Variants in IL1RAPL1 observed in about 807,000 individuals in gnomAD.
IL1RAPL1 encodes interleukin-1 receptor accessory protein-like 1.
Under a neutral mutation model 48.4 loss-of-function variants are expected in IL1RAPL1, and 3 were observed. That is an observed-to-expected ratio of 0.06 (90% CI 0.03 to 0.16). IL1RAPL1 has a LOEUF of 0.16. IL1RAPL1 is among the 10% of genes least tolerant of loss of function. IL1RAPL1 has a pLI of 1.00. For missense variants in IL1RAPL1, 349 were observed against 530.6 expected (o/e 0.66, Z 3.36); for synonymous variants, 185 against 187.7 (o/e 0.99, Z 0.12).
intron 5 of IL1RAPL1, among the ~76,000 whole-genome samples, chrX:29,572,308 T>C (rs1488522730): frequency 8.9e-6 from 1 of 112,017 alleles, no homozygotes; most frequent in Non-Finnish European, 1.9e-5. Flanking sequence ...TGAAGTATTA[T>C]TTATTGAAAT....
In IL1RAPL1 at chrX:29,710,756, G is replaced by T. The variant is rs746476495; in HGVS notation, c.778+42252G>T. ...TTAGATTACTAAATTTATTTTATTGGTCTATTTGTTCCTGTATGTATACCT... is the reference window on the plus strand; with the variant it reads ...TTAGATTACTAAATTTATTTTATTGTTCTATTTGTTCCTGTATGTATACCT... On this transcript the variant is annotated intron_variant, in intron 6 of 10. Coordinates refer to ENST00000378993, the MANE Select transcript of IL1RAPL1 (RefSeq NM_014271.4). 7.5e-5 allele frequency among the ~76,000 whole-genome samples: 8 copies of T among 106,249 alleles called. No individual in the cohort carries two copies. In the East Asian group the frequency reaches 2.3e-3, roughly 31 times the overall value. 92.3% of individuals were successfully genotyped at this position (106,249 alleles called of 115,157 possible).
chrX:29,929,257 G>A (rs1424208150), intron 8 of IL1RAPL1, among the ~76,000 whole-genome samples: 1 of 111,066 alleles, frequency 9.0e-6, no homozygotes, highest in African/African-American at 3.3e-5. Context: ...ATTCTGAACT[G>A]TGATAAAAAA....
chrX:29,248,522 A>T (rs1054672420), intron 2 of IL1RAPL1, among the ~76,000 whole-genome samples: 1 of 112,694 alleles, frequency 8.9e-6, no homozygotes, highest in Non-Finnish European at 1.9e-5. Context: ...TCAATGCAAA[A>T]ATGCACATAT....
intron 1 of IL1RAPL1, among the ~76,000 whole-genome samples, chrX:28,608,279 A>G (rs1446768451): frequency 9.0e-6 from 1 of 111,346 alleles, no homozygotes; most frequent in Non-Finnish European, 1.9e-5. Context: ...TCTTTTATAT[A>G]TATATTTGAG....
rs187923898 is a variant in IL1RAPL1 at position 29,462,848 on chromosome X, C to T, written c.703+63540C>T. Among the ~76,000 whole-genome samples the T allele has an allele frequency of 4.5e-5, 5 of 111,836 alleles. No homozygotes were observed. The Admixed American group carries it at 4.8e-4, about 11-fold the overall frequency. On this transcript the variant is annotated intron_variant, in intron 5 of 10. Coordinates refer to ENST00000378993, the MANE Select transcript of IL1RAPL1 (RefSeq NM_014271.4). ...TATGTGTCTGTCGGTATTTGGGGGA[C>T]AATTGATCTAACCGTCCTGGGGTAA...
At chrX:29,114,452 C>T (rs1202365901) in intron 2 of IL1RAPL1, among the ~76,000 whole-genome samples, 4 of 111,845 alleles carry the variant, frequency 3.6e-5, no homozygotes, top group Admixed American at 9.5e-5. Flanking sequence ...ACACCTCTTC[C>T]CTTTATTGAT....
At chrX:28,711,116 G>A (rs1005349337) in intron 1 of IL1RAPL1, among the ~76,000 whole-genome samples, 29 of 112,146 alleles carry the variant, frequency 2.6e-4, no homozygotes, top group African/African-American at 8.8e-4. Flanking sequence ...TTAGGAGGCT[G>A]TTGCGCCAAT....
intron 3 of IL1RAPL1, among the ~76,000 whole-genome samples, chrX:29,378,786 G>A (rs771939040): frequency 9.8e-5 from 11 of 112,241 alleles, no homozygotes; most frequent in African/African-American, 2.9e-4. Context: ...GGGGGGAGAA[G>A]AGATGACCTC....
At chrX:28,987,529 C>A (rs1351130998) in intron 2 of IL1RAPL1, among the ~76,000 whole-genome samples, 5 of 111,768 alleles carry the variant, frequency 4.5e-5, no homozygotes, top group African/African-American at 1.6e-4. Context: ...CACATACACA[C>A]ACACACTTGC....
chrX:28,880,597 A>G (rs1922477910), intron 2 of IL1RAPL1, among the ~76,000 whole-genome samples: 1 of 112,369 alleles, frequency 8.9e-6, no homozygotes, highest in Non-Finnish European at 1.9e-5. Context: ...ATTAGTCTCA[A>G]TCATTGTTTG....
chrX:29,310,850 T>A (rs1452610932), intron 3 of IL1RAPL1, among the ~76,000 whole-genome samples: 1 of 112,397 alleles, frequency 8.9e-6, no homozygotes, highest in African/African-American at 3.2e-5. Context: ...CTTGATTTAT[T>A]TAAATTCTTC....
At chrX:29,388,215 G>A (rs1933808884) in intron 3 of IL1RAPL1, among the ~76,000 whole-genome samples, 1 of 106,028 alleles carries the variant, frequency 9.4e-6, no homozygotes, top group African/African-American at 3.4e-5. Context: ...GCCTGGTACT[G>A]TACTAGGCAC....
intron 2 of IL1RAPL1, among the ~76,000 whole-genome samples, chrX:29,279,951 G>A (rs1471382302): frequency 9.0e-6 from 1 of 111,283 alleles, no homozygotes; most frequent in Non-Finnish European, 1.9e-5. Context: ...CAAATCTTCT[G>A]AGACTCGAAT....
intron 2 of IL1RAPL1, among the ~76,000 whole-genome samples, chrX:28,797,302 G>T (rs1391552977): frequency 8.9e-6 from 1 of 111,886 alleles, no homozygotes; most frequent in African/African-American, 3.2e-5. Flanking sequence ...GCAAATTTCT[G>T]CAGCCAGCTT....
At chrX:29,641,292 TG>T (rs1925164467) in intron 5 of IL1RAPL1, among the ~76,000 whole-genome samples, 1 of 113,223 alleles carries the variant, frequency 8.8e-6, no homozygotes, top group African/African-American at 3.2e-5. Flanking sequence ...CATACTTGTT[TG>T]CTTATCCTTC....
At chrX:28,641,556 T>A (rs1934541896) in intron 1 of IL1RAPL1, among the ~76,000 whole-genome samples, 1 of 111,879 alleles carries the variant, frequency 8.9e-6, no homozygotes, top group Admixed American at 9.5e-5. Context: ...TATAGTAGAA[T>A]GATTTATAAT....
chrX:29,490,346 A>G (rs1223921807), intron 5 of IL1RAPL1, among the ~76,000 whole-genome samples: 1 of 110,942 alleles, frequency 9.0e-6, no homozygotes, highest in Non-Finnish European at 1.9e-5. Flanking sequence ...AGCCCAGGCA[A>G]CATGGCAAAA....
chrX:29,465,559 T>G (rs1185333880), intron 5 of IL1RAPL1, among the ~76,000 whole-genome samples: 1 of 112,019 alleles, frequency 8.9e-6, no homozygotes, highest in Admixed American at 9.5e-5. Context: ...TGAAATCACC[T>G]GGGGAGTTTT....
rs1199635902 is a variant in IL1RAPL1 at position 29,782,423 on chromosome X, A to T, written c.778+113919A>T. The stretch of plus-strand genomic sequence containing the variant: ...ATATTGCATGTTTAAGTGAAGAGTC[A>T]TCCATCAAGAATCTAATCTATACCA... On this transcript the variant is annotated intron_variant, in intron 6 of 10. Transcript: ENST00000378993. Among the ~76,000 whole-genome samples the T allele has an allele frequency of 2.7e-5, 3 of 111,808 alleles. No individual in the cohort carries two copies. In the East Asian group the frequency reaches 8.4e-4, roughly 31 times the overall value.
Sources: gnomAD v4.1 joint callset for allele counts (sites outside exome capture counted in the v4.1 genomes callset) on GRCh38, gnomAD v4.1.1 for gene constraint, MANE v1.5 for transcripts, NCBI Gene and HGNC (gene_info 2026-07-23, HGNC 2026-07-21) for gene names.